ORMDL3: variants seen among roughly 807,000 people sequenced by gnomAD.
The protein encoded by ORMDL3 is ORM1-like protein 3.
A neutral mutation model predicts 12.6 loss-of-function variants in ORMDL3; 6 were observed. The ratio of observed to expected loss-of-function variants is 0.48; its 90% CI spans 0.26 to 0.94. The LOEUF is 0.94. Ranked by LOEUF, ORMDL3 falls within the 40% of genes least tolerant of loss-of-function variation. The pLI is 0.14. For missense variants in ORMDL3, 159 were observed against 205.5 expected (o/e 0.77, Z 1.38); for synonymous variants, 99 against 87.2 (o/e 1.14, Z -0.75).
rs1400153946 is a variant in ORMDL3 at position 39,921,535 on chromosome 17, C to CA, written c.*1014dup. 1 of 152,508 alleles carries CA rather than the reference C, an allele frequency of 6.6e-6. No individual in the cohort carries two copies. Among genetic ancestry groups the CA allele is most frequent in the South Asian group, 2.1e-4 (1 of 4,834 alleles). 9.4% of individuals were successfully genotyped at this position (152,508 alleles called of 1,614,324 possible). The stretch of plus-strand genomic sequence containing the variant: ...AGGGGTGAGGGCCTGCAGAGGACCA[C>CA]AGCACCCATCGTTTCTGTCACAGCT... On this transcript the variant is annotated 3_prime_UTR_variant, in exon 4 of 4. Transcript: ENST00000304046.
At chr17:39,927,370 C>A in intron 1 of ORMDL3, 114 bp downstream of exon 1, 1 of 718,794 alleles carries the variant, frequency 1.4e-6, no homozygotes, top group Non-Finnish European at 1.7e-6. Context: ...ACTCCCTCCA[C>A]CCCCCACTCC....
rs1276230013 is a variant in ORMDL3, at chr17:39,922,520, C to T, written c.*30G>A. 3 of 1,604,094 alleles carry T rather than the reference C, an allele frequency of 1.9e-6. No homozygotes were observed. Among genetic ancestry groups the T allele is most frequent in the East Asian group, 2.2e-5 (1 of 44,746 alleles). On this transcript the variant is annotated 3_prime_UTR_variant, in exon 4 of 4. Coordinates refer to ENST00000304046, the MANE Select transcript of ORMDL3 (RefSeq NM_139280.4). ...TGCCTTTTACCCTACCCCTCCCCTG[C>T]CACCCTGGGCAGGGGAAGGGGCTGC...
chr17:39,923,285 AGAG>A (rs1402216123), intron 2 of ORMDL3, 22 bp from the exon 3 acceptor site: 1 of 1,613,380 alleles, frequency 6.2e-7, no homozygotes, highest in Non-Finnish European at 8.5e-7. Flanking sequence ...AGTCTTTGTT[AGAG>A]GATACAAAAG....
At chr17:39,923,655 G>T (rs189050218) in intron 2 of ORMDL3, among the ~76,000 whole-genome samples, 34 of 152,240 alleles carry the variant, frequency 2.2e-4, no homozygotes, top group African/African-American at 8.2e-4. Context: ...AGTGGAAGAC[G>T]GTTCGAGAAG....
At chr17:39,922,735 C>T in intron 3 of ORMDL3, 50 bp from the exon 4 acceptor site, 1 of 1,581,342 alleles carries the variant, frequency 6.3e-7, no homozygotes, top group Non-Finnish European at 8.6e-7. Context: ...GGGAGGACCC[C>T]TTCCTCCCTC....
In ORMDL3 at chr17:39,922,588, G is replaced by A. The variant is rs1201388033; in HGVS notation, c.424C>T (p.Leu142Phe). The A allele has an allele frequency of 6.2e-7, 1 of 1,614,184 alleles. No individual in the cohort carries two copies. Among genetic ancestry groups the A allele is most frequent in the Non-Finnish European group, 8.5e-7 (1 of 1,180,036 alleles). Residue 142 changes from leucine to phenylalanine, a missense_variant, in exon 4 of 4, where the codon CTC (leucine) becomes TTC (phenylalanine). Leu to Phe is a conservative substitution (Grantham distance 22, BLOSUM62 0). Coordinates refer to ENST00000304046, the MANE Select transcript of ORMDL3 (RefSeq NM_139280.4). ...ATTCCAAAAATCCGGACTCCGTGGAGCTGGGGCAGCTTGGGGATAAGCACG... is the reference window on the plus strand; with the variant it reads ...ATTCCAAAAATCCGGACTCCGTGGAACTGGGGCAGCTTGGGGATAAGCACG... Reference protein sequence around the residue: ...MSVLIPKLPQLHGVRIFGINK... With the variant: ...MSVLIPKLPQFHGVRIFGINK...
rs944261241 is a variant in ORMDL3 at position 39,921,810 on chromosome 17, T to C, written c.*740A>G. On this transcript the variant is annotated 3_prime_UTR_variant, in exon 4 of 4. Transcript: ENST00000304046. ...TCCCTCCCTTACACCAGTCCTCTGC[T>C]GCTATGTGGCCCCATTCTTCTAAGT... is the stretch of plus-strand genomic sequence containing the variant. 3.3e-5 allele frequency: 5 copies of C among 152,348 alleles called. No individual in the cohort carries two copies. Among genetic ancestry groups the C allele is most frequent in the African/African-American group, 1.2e-4 (5 of 41,386 alleles). The allele number at this position is 152,348 out of a possible 1,614,324, so 9.4% of individuals were successfully genotyped here. A position where few individuals can be genotyped will look rare whatever the true frequency, so the allele number is the denominator to read the frequency against.
intron 3 of ORMDL3, 30 bp from the exon 4 acceptor site, chr17:39,922,715 A>G (rs1376154790): frequency 6.2e-7 from 1 of 1,608,696 alleles, no homozygotes; most frequent in South Asian, 1.1e-5. Flanking sequence ...GAGAGATATA[A>G]AAGACTGTTG....
At chr17:39,927,041 G>A (rs1978468374) in intron 1 of ORMDL3, 1 of 972,962 alleles carries the variant, frequency 1.0e-6, no homozygotes, top group Admixed American at 6.2e-5. Context: ...CACAGGAGAG[G>A]AGGAGCGAAG....
In ORMDL3 at chr17:39,924,156, C is replaced by T; in HGVS notation, c.48G>A (p.Val16=). The T allele has an allele frequency of 6.2e-7, 1 of 1,613,968 alleles. No individual in the cohort carries two copies. Among genetic ancestry groups the T allele is most frequent in the Non-Finnish European group, 8.5e-7 (1 of 1,179,884 alleles). ...AGAGCCAGATGCCACGGCTGTTCAT[C>T]ACCCGCGTGTTGGGGTTCACCTCGC... ...AHSEVNPNTR[V]MNSRGIWLSY... Residue 16 remains valine (V), a synonymous_variant, in exon 2 of 4, where the codon GTG becomes GTA. Transcript: ENST00000304046.
intron 1 of ORMDL3, chr17:39,926,285 T>G (rs1201512386): frequency 6.6e-6 from 1 of 152,192 alleles, no homozygotes; most frequent in Non-Finnish European, 1.5e-5. Context: ...CTCAGAAGCT[T>G]CTTCCTGAAG....
At chr17:39,925,436 A>T (rs1187758689) in intron 1 of ORMDL3, 1 of 152,230 alleles carries the variant, frequency 6.6e-6, no homozygotes, top group Non-Finnish European at 1.5e-5. Context: ...TATCTGAGAT[A>T]GGGTCCTGCT....
chr17:39,922,927 A>G (rs541701627), intron 3 of ORMDL3, among the ~76,000 whole-genome samples, 185 bp downstream of exon 3: 45 of 152,340 alleles, frequency 3.0e-4, no homozygotes, highest in African/African-American at 9.9e-4. Flanking sequence ...GGAAGCTCCA[A>G]TGGAGGAAAG....
intron 3 of ORMDL3, among the ~76,000 whole-genome samples, 192 bp downstream of exon 3, chr17:39,922,920 A>C (rs1211670831): frequency 3.9e-5 from 6 of 152,232 alleles, no homozygotes; most frequent in African/African-American, 7.2e-5. Context: ...GCAGGAAGGA[A>C]GCTCCAATGG....
rs1019639178 is a variant in ORMDL3, at chr17:39,922,413, G to A, written c.*137C>T. On this transcript the variant is annotated 3_prime_UTR_variant, in exon 4 of 4. Coordinates refer to ENST00000304046, the MANE Select transcript of ORMDL3 (RefSeq NM_139280.4). The stretch of plus-strand genomic sequence containing the variant: ...AAGTTGGCTACTGGGGGAAGCGAGG[G>A]GGGAAATTAGGCCAGAGGCTCAACC... 4.5e-6 allele frequency: 5 copies of A among 1,118,772 alleles called. No individual in the cohort carries two copies. In the African/African-American group the frequency reaches 4.8e-5, roughly 11 times the overall value. 69.3% of individuals were successfully genotyped at this position (1,118,772 alleles called of 1,614,324 possible). A position where few individuals can be genotyped will look rare whatever the true frequency, so the allele number is the denominator to read the frequency against.
intron 1 of ORMDL3, chr17:39,926,919 C>T: frequency 1.0e-6 from 1 of 985,928 alleles, no homozygotes; most frequent in Non-Finnish European, 1.2e-6. Context: ...ATTCCGCCCA[C>T]CCCCCAAGCT....
At position 39,922,620 on chromosome 17, in the gene ORMDL3, A is replaced by G. The variant is rs1433031141; in HGVS notation, c.392T>C (p.Leu131Pro). ...QIHFVLNTVS[L>P]MSVLIPKLPQ... is the part of the protein sequence containing the mutation. ...CAGCTTGGGGATAAGCACGCTCATC[A>G]GGGACACGGTGTTGAGCACAAAATG... Residue 131 changes from leucine (L) to proline (P), a missense_variant, in exon 4 of 4, where the codon CTG becomes CCG. Leu to Pro is a moderately conservative substitution (Grantham distance 98). Transcript: ENST00000304046. 3 of 1,613,900 alleles carry G rather than the reference A, an allele frequency of 1.9e-6. No homozygotes were observed. Among genetic ancestry groups the G allele is most frequent in the Non-Finnish European group, 2.5e-6 (3 of 1,179,892 alleles).
chr17:39,926,261 T>A (rs1978410905), intron 1 of ORMDL3: 1 of 152,016 alleles, frequency 6.6e-6, no homozygotes, highest in African/African-American at 2.4e-5. Flanking sequence ...TAGACCTAGG[T>A]CCTAGCCAAC....
In ORMDL3 at chr17:39,924,133, A is replaced by G; in HGVS notation, c.71T>C (p.Leu24Pro). The G allele has an allele frequency of 1.9e-6, 3 of 1,614,122 alleles. No homozygotes were observed. Among genetic ancestry groups the G allele is most frequent in the Non-Finnish European group, 2.5e-6 (3 of 1,179,992 alleles). Residue 24 changes from leucine (L) to proline (P), a missense_variant, in exon 2 of 4, where the codon CTC becomes CCC. Coordinates refer to ENST00000304046, the MANE Select transcript of ORMDL3 (RefSeq NM_139280.4). The stretch of plus-strand genomic sequence containing the variant: ...GAGACCGATGGCCAGCACGTAGGAG[A>G]GCCAGATGCCACGGCTGTTCATCAC... Reference protein sequence around the residue: ...TRVMNSRGIWLSYVLAIGLLH... With the variant: ...TRVMNSRGIWPSYVLAIGLLH...
Sources: gnomAD v4.1 joint callset for allele counts (sites outside exome capture counted in the v4.1 genomes callset) on GRCh38, gnomAD v4.1.1 for gene constraint, MANE v1.5 for transcripts, NCBI Gene and HGNC (gene_info 2026-07-23, HGNC 2026-07-21) for gene names.